Variants in KLC1 observed in about 807,000 individuals in gnomAD.
The protein encoded by KLC1 is kinesin 2 60/70kDa.
A neutral mutation model predicts 84.2 loss-of-function variants in KLC1; 30 were observed. That is an observed-to-expected ratio of 0.36 (90% CI 0.27 to 0.48). KLC1 has a LOEUF of 0.48. KLC1 is among the 20% of genes least tolerant of loss of function. KLC1 has a pLI of 0.99. For synonymous variants in KLC1, 289 were observed against 293.3 expected, an observed-to-expected ratio of 0.99 and a Z score of 0.15; for missense variants, 499 against 805.4, an observed-to-expected ratio of 0.62 and a Z score of 4.60.
At chr14:103,668,190 G>A (rs1185512838) in intron 5 of KLC1, among the ~76,000 whole-genome samples, 2 of 152,226 alleles carry the variant, frequency 1.3e-5, no homozygotes, top group Non-Finnish European at 2.9e-5. Context: ...AAGCCATGTA[G>A]CCATTAACTG....
At chr14:103,695,477 CTA>C (rs2082391856) in intron 15 of KLC1, 1 of 985,212 alleles carries the variant, frequency 1.0e-6, no homozygotes, top group Non-Finnish European at 1.2e-6. Flanking sequence ...CCGTAGTGGG[CTA>C]TGTCTGTGCA....
At chr14:103,682,762 ATATGTATATG>A (rs1174206105) in intron 13 of KLC1, 2 of 150,870 alleles carry the variant, frequency 1.3e-5, no homozygotes, top group African/African-American at 2.4e-5. Context: ...ATATATATAT[ATATGTATATG>A]TATGTATATG....
intron 14 of KLC1, among the ~76,000 whole-genome samples, chr14:103,690,152 G>T (rs1456361185): frequency 6.6e-6 from 1 of 151,740 alleles, no homozygotes; most frequent in Non-Finnish European, 1.5e-5. Context: ...CTGCACTCCA[G>T]CCTGGGCGAT....
chr14:103,640,626 C>G (rs2077415124), intron 1 of KLC1, among the ~76,000 whole-genome samples: 1 of 152,148 alleles, frequency 6.6e-6, no homozygotes, highest in African/African-American at 2.4e-5. Context: ...TCCCAAAGTG[C>G]TGGGATTACA....
chr14:103,667,842 T>C, intron 5 of KLC1, among the ~76,000 whole-genome samples: 1 of 152,212 alleles, frequency 6.6e-6, no homozygotes, highest in East Asian at 1.9e-4. Flanking sequence ...TACTACTCAA[T>C]TGAGAAAGAT....
At chr14:103,654,450 C>T in intron 1 of KLC1, 114 bp from the exon 2 acceptor site, 1 of 732,250 alleles carries the variant, frequency 1.4e-6, no homozygotes, top group Non-Finnish European at 2.1e-6. Flanking sequence ...TACAAATGTG[C>T]ATATTTATTA....
chr14:103,690,527 C>T (rs1397488953), intron 14 of KLC1, among the ~76,000 whole-genome samples: 1 of 152,222 alleles, frequency 6.6e-6, no homozygotes. Flanking sequence ...CTTTCAGCCT[C>T]ATCCCAGTGT....
chr14:103,684,648 C>CCAGCTGT (rs1451385636), intron 13 of KLC1: 8 of 243,304 alleles, frequency 3.3e-5, no homozygotes, highest in African/African-American at 1.8e-4. Context: ...GGCCCATTGC[C>CCAGCTGT]CAGCTGTCAG....
intron 12 of KLC1, chr14:103,679,183 A>C: frequency 1.6e-6 from 1 of 643,056 alleles, no homozygotes; most frequent in Non-Finnish European, 2.7e-6. Context: ...CAGCCCCATC[A>C]CTGTTCCTCT....
rs186224976 is a variant in KLC1 at position 103,678,427 on chromosome 14, G to A, written c.1488+904G>A. Among the ~76,000 whole-genome samples the A allele has an allele frequency of 9.3e-4, 142 of 152,316 alleles. 1 individual carries two copies. Among genetic ancestry groups the A allele is most frequent in the Middle Eastern group, 3.4e-3 (1 of 294 alleles). On this transcript the variant is annotated intron_variant, in intron 12 of 16. Coordinates refer to ENST00000334553, the MANE Select transcript of KLC1 (RefSeq NM_001394837.1). ...GGACTGGGTGTGGTGCTGAGCACCTGCAATTCCTGCACGTTGGGAGGCTGA... is the reference window on the plus strand; with the variant it reads ...GGACTGGGTGTGGTGCTGAGCACCTACAATTCCTGCACGTTGGGAGGCTGA...
rs994253600 is a variant in KLC1, at chr14:103,700,572, G to A, written c.1849-83G>A. On this transcript the variant is annotated intron_variant, in intron 15 of 16. Transcript: ENST00000334553. ...TCAAGTCCAAGGTCTGCAGCCACACGCTGGTGTCACGCCCGGAGCTCTGAA... is the reference window on the plus strand; with the variant it reads ...TCAAGTCCAAGGTCTGCAGCCACACACTGGTGTCACGCCCGGAGCTCTGAA... 24 of 1,117,202 alleles carry A rather than the reference G, an allele frequency of 2.1e-5. No homozygotes were observed. In the African/African-American group the frequency reaches 2.2e-4, roughly 10 times the overall value. The allele number at this position is 1,117,202 out of a possible 1,614,324, so 69.2% of individuals were successfully genotyped here.
intron 14 of KLC1, 59 bp from the exon 15 acceptor site, chr14:103,692,300 G>C: frequency 6.7e-7 from 1 of 1,488,816 alleles, no homozygotes; most frequent in Middle Eastern, 1.7e-4. Context: ...TGTGCTTCCT[G>C]TTGCTGGTTG....
intron 14 of KLC1, chr14:103,687,603 TTTAAATAAATCA>T (rs1445886672): frequency 6.5e-6 from 1 of 153,952 alleles, no homozygotes; most frequent in East Asian, 1.9e-4. Flanking sequence ...ATTTTAATCT[TTTAAATAAATCA>T]GATGTTAGCT....
intron 1 of KLC1, among the ~76,000 whole-genome samples, chr14:103,638,842 G>A (rs1042661124): frequency 5.3e-5 from 8 of 151,736 alleles, no homozygotes; most frequent in Admixed American, 2.0e-4. Context: ...ACATAGGGGT[G>A]TGTGTGAGCA....
chr14:103,654,477 T>G (rs559195626), intron 1 of KLC1, 87 bp from the exon 2 acceptor site: 22 of 1,049,638 alleles, frequency 2.1e-5, no homozygotes, highest in Non-Finnish European at 3.0e-5. Flanking sequence ...TATAAAATGT[T>G]AATTAAAAAA....
intron 3 of KLC1, among the ~76,000 whole-genome samples, chr14:103,660,802 C>CAATAAATAAATA (rs147358285): frequency 6.6e-6 from 1 of 151,004 alleles, no homozygotes; most frequent in Non-Finnish European, 1.5e-5. Flanking sequence ...GAAAAACAAG[C>CAATAAATAAATA]AATAAATAAA....
chr14:103,673,210 G>A (rs897891862), intron 8 of KLC1, 23 bp downstream of exon 8: 6 of 1,602,082 alleles, frequency 3.7e-6, no homozygotes, highest in Non-Finnish European at 2.6e-6. Flanking sequence ...CACAGCACTA[G>A]GGAGGGGGCC....
rs553571098 is a variant in KLC1, at chr14:103,694,791, C to T, written c.1848+2366C>T. ...TCACCTTCAGCCTCTAGAAGCTCCC[C>T]GTGGGGCACGAAGGCTGGGGACAGA... On this transcript the variant is annotated intron_variant, in intron 15 of 16. Transcript: ENST00000334553. The surrounding 1 kb of genome is among the most constrained non-coding windows in gnomAD (Gnocchi z 4.5). 1.0e-5 allele frequency: 10 copies of T among 985,480 alleles called. No individual in the cohort carries two copies. In the African/African-American group the frequency reaches 1.0e-4, roughly 10 times the overall value. 61.0% of individuals were successfully genotyped at this position (985,480 alleles called of 1,614,324 possible).
chr14:103,682,002 C>T (rs861550), intron 13 of KLC1, among the ~76,000 whole-genome samples: 142,010 of 152,230 alleles, frequency 0.93, 66,495 homozygotes, highest in East Asian at 0.98. Context: ...TAGCCACTTA[C>T]TTGTGTGCAT....
Sources: allele counts gnomAD v4.1 joint callset (sites outside exome capture counted in the v4.1 genomes callset), GRCh38; gene constraint gnomAD v4.1.1; non-coding constraint Gnocchi (gnomAD v3.1); transcripts MANE v1.5; gene names NCBI Gene and HGNC (gene_info 2026-07-23, HGNC 2026-07-21).